The following PCDH11X variants were observed in gnomAD, a reference collection of about 807,000 sequenced individuals.
PCDH11X encodes the protein protocadherin-11 X-linked.
PCDH11X carries 18 observed loss-of-function variants against 53.3 expected under a neutral mutation model. The observed-to-expected ratio is 0.34, with a 90% CI of 0.23 to 0.50. The LOEUF is 0.50. Ranked by LOEUF, PCDH11X falls within the 20% of genes least tolerant of loss-of-function variation. The probability of loss-of-function intolerance (pLI) is 0.98; values close to 1 mark genes in which losing one functional copy is unlikely to be tolerated. For missense variants in PCDH11X, 570 were observed against 1,032.4 expected (o/e 0.55, Z 6.14); for synonymous variants, 279 against 393.3 (o/e 0.71, Z 3.44).
chrX:92,289,959 A>T (rs1238800765), intron 8 of PCDH11X, among the ~76,000 whole-genome samples: 1 of 111,609 alleles, frequency 9.0e-6, no homozygotes, highest in Non-Finnish European at 1.9e-5. Context: ...AGTCATAGAA[A>T]GGAATCTGAA....
chrX:91,790,299 T>C (rs1037599194), intron 1 of PCDH11X, among the ~76,000 whole-genome samples: 1 of 112,175 alleles, frequency 8.9e-6, no homozygotes, highest in Non-Finnish European at 1.9e-5. Context: ...CATACGATTA[T>C]ACCATTTCAA....
chrX:91,935,339 A>T (rs1441668194), intron 6 of PCDH11X, among the ~76,000 whole-genome samples: 1 of 105,515 alleles, frequency 9.5e-6, no homozygotes, highest in Admixed American at 1.0e-4. Flanking sequence ...GGACAGCTAA[A>T]TTATTTTCTT....
intron 6 of PCDH11X, among the ~76,000 whole-genome samples, chrX:92,135,835 T>C (rs1487404075): frequency 9.1e-6 from 1 of 109,675 alleles, no homozygotes; most frequent in Non-Finnish European, 1.9e-5. Flanking sequence ...TTGTGTATAA[T>C]TGGAATGAAA....
intron 9 of PCDH11X, among the ~76,000 whole-genome samples, chrX:92,425,633 T>C (rs1450167200): frequency 7.5e-5 from 8 of 106,443 alleles, no homozygotes; most frequent in African/African-American, 2.7e-4. Context: ...TTAGGAGAGA[T>C]GTGTTGGCTT....
At chrX:92,543,101 T>C (rs1394094968) in intron 10 of PCDH11X, among the ~76,000 whole-genome samples, 1 of 106,213 alleles carries the variant, frequency 9.4e-6, no homozygotes, top group Non-Finnish European at 1.9e-5. Context: ...TGAGATTATA[T>C]GATTTCTACA....
intron 8 of PCDH11X, among the ~76,000 whole-genome samples, chrX:92,382,621 C>G (rs953298499): frequency 9.0e-6 from 1 of 111,441 alleles, no homozygotes; most frequent in African/African-American, 3.3e-5. Flanking sequence ...AATATAATTT[C>G]TGGGTATTGT....
At chrX:91,963,201 TTA>T (rs915647587) in intron 6 of PCDH11X, among the ~76,000 whole-genome samples, 1 of 111,340 alleles carries the variant, frequency 9.0e-6, no homozygotes, top group Non-Finnish European at 1.9e-5. Flanking sequence ...TTCTGAACTT[TTA>T]TGTTTTGCTT....
chrX:92,354,283 C>A (rs980743256), intron 8 of PCDH11X, among the ~76,000 whole-genome samples: 12 of 103,296 alleles, frequency 1.2e-4, no homozygotes, highest in African/African-American at 4.3e-4. Flanking sequence ...TCCAGTTGCC[C>A]TACAACTGAA....
chrX:92,579,782 T>C (rs1923431378), intron 10 of PCDH11X, among the ~76,000 whole-genome samples: 1 of 111,782 alleles, frequency 8.9e-6, no homozygotes, highest in South Asian at 3.7e-4. Context: ...TTCTGAGTGC[T>C]TGCTAAAGAG....
intron 8 of PCDH11X, among the ~76,000 whole-genome samples, chrX:92,323,718 A>G (rs1323559797): frequency 9.0e-6 from 1 of 110,971 alleles, no homozygotes; most frequent in Non-Finnish European, 1.9e-5. Context: ...GCCTCTAGAC[A>G]AGGGAAGTTA....
chrX:92,522,842 A>G lies in PCDH11X; in HGVS notation c.3367+54520A>G, dbSNP rs756087032. Among the ~76,000 whole-genome samples the G allele has an allele frequency of 2.7e-5, 3 of 112,261 alleles. No individual in the cohort carries two copies. In the East Asian group the frequency reaches 8.4e-4, roughly 31 times the overall value. On this transcript the variant is annotated intron_variant, in intron 10 of 10. Transcript: ENST00000682573. ...ACTTTCCTACGATCAAAAATTATAA[A>G]GTGCCAAAACAAAAAATCAAGGCCA...
At chrX:92,523,031 A>T (rs908267817) in intron 10 of PCDH11X, among the ~76,000 whole-genome samples, 3 of 111,711 alleles carry the variant, frequency 2.7e-5, no homozygotes, top group African/African-American at 9.8e-5. Context: ...GCTAAATATA[A>T]AGGAAAGAAA....
chrX:92,550,055 G>A (rs2074927983), intron 10 of PCDH11X, among the ~76,000 whole-genome samples: 1 of 110,619 alleles, frequency 9.0e-6, no homozygotes, highest in Non-Finnish European at 1.9e-5. Context: ...TTCCTATCTA[G>A]TTGTAATTTT....
chrX:92,123,149 T>G (rs967577233), intron 6 of PCDH11X, among the ~76,000 whole-genome samples: 2 of 111,189 alleles, frequency 1.8e-5, no homozygotes, highest in African/African-American at 6.5e-5. Flanking sequence ...CACTGCATGT[T>G]GGCCTATGTA....
chrX:92,287,880 G>A, intron 8 of PCDH11X: 2 of 497,029 alleles, frequency 4.0e-6, no homozygotes, highest in South Asian at 2.7e-5. Context: ...TCTTGTGATA[G>A]TGAGTTTGTT....
chrX:92,375,166 ATTTTTT>A (rs1230279822), intron 8 of PCDH11X, among the ~76,000 whole-genome samples: 1 of 8,262 alleles, frequency 1.2e-4, no homozygotes, highest in African/African-American at 6.2e-4. Flanking sequence ...ATATATATAT[ATTTTTT>A]TTTTTTTTTT....
chrX:92,290,559 A>C (rs1454045358), intron 8 of PCDH11X, among the ~76,000 whole-genome samples: 2 of 112,601 alleles, frequency 1.8e-5, no homozygotes, highest in African/African-American at 3.2e-5. Context: ...TGTTTGTAGA[A>C]GTGGAAAATC....
chrX:92,155,985 C>A (rs1397038154), intron 6 of PCDH11X, among the ~76,000 whole-genome samples: 1 of 109,468 alleles, frequency 9.1e-6, no homozygotes, highest in Non-Finnish European at 1.9e-5. Context: ...CCCTCCATGT[C>A]AAGTCTCAAC....
intron 10 of PCDH11X, among the ~76,000 whole-genome samples, chrX:92,598,286 C>T (rs903677843): frequency 1.5e-4 from 17 of 109,937 alleles, no homozygotes; most frequent in Non-Finnish European, 5.7e-5. Context: ...AAATTACCCC[C>T]CAGACAAGGT....
Sources: gnomAD v4.1 joint callset for allele counts (sites outside exome capture counted in the v4.1 genomes callset) on GRCh38, gnomAD v4.1.1 for gene constraint, MANE v1.5 for transcripts, NCBI Gene and HGNC (gene_info 2026-07-23, HGNC 2026-07-21) for gene names.